The following FAM117A variants were observed in gnomAD, a reference collection of about 807,000 sequenced individuals.
The protein encoded by FAM117A is protein FAM117A.
FAM117A carries 21 observed loss-of-function variants against 44.1 expected under a neutral mutation model. The observed-to-expected ratio is 0.48, with a 90% CI of 0.34 to 0.69. FAM117A has a LOEUF of 0.69. Ranked by LOEUF, FAM117A falls within the 30% of genes least tolerant of loss-of-function variation. The pLI is 0.01. For synonymous variants in FAM117A, 220 were observed against 238.3 expected, an observed-to-expected ratio of 0.92 and a Z score of 0.71; for missense variants, 498 against 589.9, an observed-to-expected ratio of 0.84 and a Z score of 1.61.
intron 1 of FAM117A, among the ~76,000 whole-genome samples, chr17:49,758,689 G>A (rs1173515300): frequency 6.7e-6 from 1 of 149,710 alleles, no homozygotes; most frequent in Admixed American, 6.7e-5. Flanking sequence ...AAAATAAAAG[G>A]GCTCCAAACT....
At chr17:49,748,176 T>C (rs1386904471) in intron 1 of FAM117A, among the ~76,000 whole-genome samples, 2 of 152,218 alleles carry the variant, frequency 1.3e-5, no homozygotes, top group Non-Finnish European at 2.9e-5. Context: ...AACAGTAATG[T>C]CACCTTCTTT....
rs1384793909 is a variant in FAM117A, at chr17:49,749,066, TG to T, written c.196+14825del. Among the ~76,000 whole-genome samples, 4 of 152,272 alleles carry T rather than the reference TG, an allele frequency of 2.6e-5. No individual in the cohort carries two copies. In the East Asian group the frequency reaches 7.7e-4, roughly 29 times the overall value. ...GTAACTCCTGACCTACTTGATACAA[TG>T]TGCTGCACTGAACCACGCAACCTGC... On this transcript the variant is annotated intron_variant, in intron 1 of 7. Transcript: ENST00000240364.
At chr17:49,754,706 T>C (rs1164645306) in intron 1 of FAM117A, among the ~76,000 whole-genome samples, 1 of 152,064 alleles carries the variant, frequency 6.6e-6, no homozygotes, top group African/African-American at 2.4e-5. Flanking sequence ...AATCACATTT[T>C]CACTCTGTTC....
chr17:49,782,019 T>C (rs1034331170), intron 1 of FAM117A, among the ~76,000 whole-genome samples: 2 of 151,688 alleles, frequency 1.3e-5, no homozygotes, highest in African/African-American at 4.8e-5. Context: ...AGTGTATCTA[T>C]GTTAAAATAT....
At chr17:49,743,039 T>C (rs1012855208) in intron 1 of FAM117A, among the ~76,000 whole-genome samples, 9 of 152,150 alleles carry the variant, frequency 5.9e-5, no homozygotes, top group Non-Finnish European at 1.3e-4. Context: ...TGAACTGATT[T>C]CTCCAAGGTC....
At chr17:49,711,597 C>A in intron 7 of FAM117A, 42 bp from the exon 8 acceptor site, 1 of 1,573,466 alleles carries the variant, frequency 6.4e-7, no homozygotes, top group Non-Finnish European at 8.7e-7. Context: ...TACGTACACA[C>A]AGAGAGAAAC....
intron 1 of FAM117A, among the ~76,000 whole-genome samples, chr17:49,755,854 G>C (rs1199823660): frequency 6.6e-6 from 1 of 152,172 alleles, no homozygotes; most frequent in African/African-American, 2.4e-5. Context: ...CCACTCTGCT[G>C]CCTTCCCAGC....
chr17:49,724,499 G>A (rs1473390153), intron 2 of FAM117A: 4 of 456,104 alleles, frequency 8.8e-6, no homozygotes, highest in East Asian at 6.9e-5. Context: ...TGGGATATGC[G>A]AGAGGATGGA....
chr17:49,787,641 C>T (rs1407057039), intron 1 of FAM117A, among the ~76,000 whole-genome samples: 1 of 152,200 alleles, frequency 6.6e-6, no homozygotes, highest in Non-Finnish European at 1.5e-5. Context: ...TCCACCCAGT[C>T]GCAATTGGTC....
upstream of FAM117A, among the ~76,000 whole-genome samples, chr17:49,765,942 C>G (rs1378564422): frequency 6.6e-6 from 1 of 152,172 alleles, no homozygotes. Context: ...AGAAGTGAGT[C>G]CTTTTGATTC....
chr17:49,771,027 A>T (rs1405614967), intron 1 of FAM117A, among the ~76,000 whole-genome samples: 2 of 151,994 alleles, frequency 1.3e-5, no homozygotes, highest in South Asian at 2.1e-4. Flanking sequence ...GCCAACATGG[A>T]GACACCCCCA....
chr17:49,755,759 T>C (rs1376352260), intron 1 of FAM117A, among the ~76,000 whole-genome samples: 1 of 151,678 alleles, frequency 6.6e-6, no homozygotes, highest in Non-Finnish European at 1.5e-5. Flanking sequence ...TGAAGAGAGG[T>C]ATTATAGAGG....
chr17:49,749,185 C>G (rs1407937163), intron 1 of FAM117A, among the ~76,000 whole-genome samples: 1 of 152,142 alleles, frequency 6.6e-6, no homozygotes, highest in African/African-American at 2.4e-5. Context: ...ACTTTGTAAA[C>G]CAAACCCACT....
chr17:49,787,899 T>G (rs2073826018), intron 1 of FAM117A, among the ~76,000 whole-genome samples: 1 of 152,216 alleles, frequency 6.6e-6, no homozygotes, highest in Non-Finnish European at 1.5e-5. Flanking sequence ...AGAGGTCATT[T>G]GAGCTAAATG....
intron 1 of FAM117A, among the ~76,000 whole-genome samples, chr17:49,735,550 A>G (rs2073607285): frequency 6.6e-6 from 1 of 152,204 alleles, no homozygotes; most frequent in African/African-American, 2.4e-5. Context: ...AACAATCTAC[A>G]TATTTGTTAT....
intron 6 of FAM117A, 25 bp downstream of exon 6, chr17:49,717,465 CTCATGTGCCCCAGAGTCAGCCCT>C: frequency 6.4e-7 from 1 of 1,572,132 alleles, no homozygotes; most frequent in Non-Finnish European, 8.7e-7. Flanking sequence ...AGTGGAGCCA[CTCATGTGCCCCAGAGTCAGCCCT>C]GCTGCCTCAG....
At chr17:49,720,090 T>C in intron 4 of FAM117A, 196 bp from the exon 5 acceptor site, 1 of 746,478 alleles carries the variant, frequency 1.3e-6, no homozygotes. Context: ...GAGTCTACTG[T>C]GTGCTGTAGA....
chr17:49,735,830 T>C (rs1173309181), intron 1 of FAM117A, among the ~76,000 whole-genome samples: 4 of 152,222 alleles, frequency 2.6e-5, no homozygotes, highest in Admixed American at 1.3e-4. Flanking sequence ...TGTTACTATA[T>C]GGCCAACTTT....
chr17:49,729,890 AC>A lies in FAM117A; in HGVS notation c.366+2660del, dbSNP rs535182893. On this transcript the variant is annotated intron_variant, in intron 2 of 7. Coordinates refer to ENST00000240364, the MANE Select transcript of FAM117A (RefSeq NM_030802.4). ...CCCTTCCCTCTTCCCCTCTCCAGACACCTTCATGTCTTCCCAGTCAAACCTC... is the reference window on the plus strand; with the variant it reads ...CCCTTCCCTCTTCCCCTCTCCAGACACTTCATGTCTTCCCAGTCAAACCTC... 2.6e-5 allele frequency among the ~76,000 whole-genome samples: 4 copies of A among 151,992 alleles called. No individual in the cohort carries two copies. In the South Asian group the frequency reaches 8.3e-4, roughly 32 times the overall value.
Sources: allele counts gnomAD v4.1 joint callset (sites outside exome capture counted in the v4.1 genomes callset), GRCh38; gene constraint gnomAD v4.1.1; transcripts MANE v1.5; gene names NCBI Gene and HGNC (gene_info 2026-07-23, HGNC 2026-07-21).